Variants in RYR2 observed in about 807,000 individuals in gnomAD.
RYR2 encodes the protein ryanodine receptor 2.
RYR2 carries 227 observed loss-of-function variants against 601.1 expected under a neutral mutation model. That is an observed-to-expected ratio of 0.38 (90% CI 0.34 to 0.42). The LOEUF (loss-of-function observed/expected upper bound fraction) is 0.42, where lower values mean the gene tolerates loss of function less well. Ranked by LOEUF, RYR2 falls within the 10% of genes least tolerant of loss-of-function variation. The probability of loss-of-function intolerance (pLI) is 1.00; values close to 1 mark genes in which losing one functional copy is unlikely to be tolerated. For synonymous variants in RYR2, 2,223 were observed against 2,175.1 expected (o/e 1.02, Z -0.61); for missense variants, 4,646 against 6,156.5 (o/e 0.75, Z 8.21).
intron 3 of RYR2, among the ~76,000 whole-genome samples, chr1:237,343,121 G>A (rs971082864): frequency 6.6e-6 from 1 of 152,218 alleles, no homozygotes; most frequent in Admixed American, 6.5e-5. Context: ...TACTTCAGAG[G>A]CTGAGGTGGT....
At position 237,494,794 on chromosome 1, in the gene RYR2, T is replaced by C. The variant is rs190195117; in HGVS notation, c.1961+1707T>C. Among the ~76,000 whole-genome samples the C allele has an allele frequency of 1.2e-4, 18 of 152,214 alleles. No homozygotes were observed. In the East Asian group the frequency reaches 3.5e-3, roughly 29 times the overall value. On this transcript the variant is annotated intron_variant, in intron 19 of 104. Coordinates refer to ENST00000366574, the MANE Select transcript of RYR2 (RefSeq NM_001035.3). ...TGGGGTTTGTTGTGTATTTCTATGA[T>C]GTGTTTTGTTTTTTGAGACAGAGTC...
At chr1:237,283,585 C>T (rs146176596) in intron 2 of RYR2, among the ~76,000 whole-genome samples, 5 of 152,192 alleles carry the variant, frequency 3.3e-5, no homozygotes, top group African/African-American at 1.2e-4. Context: ...ATTGATGTAT[C>T]CATTTTGGCA....
At chr1:237,535,911 G>A (rs1199005258) in intron 25 of RYR2, among the ~76,000 whole-genome samples, 1 of 151,970 alleles carries the variant, frequency 6.6e-6, no homozygotes, top group African/African-American at 2.4e-5. Flanking sequence ...CTCTTAGAAG[G>A]CAATACTCTG....
intron 44 of RYR2, among the ~76,000 whole-genome samples, chr1:237,636,449 TC>T (rs996257674): frequency 2.6e-5 from 4 of 152,126 alleles, no homozygotes; most frequent in African/African-American, 9.7e-5. Context: ...AGGACATGTT[TC>T]CCCCGTATAG....
chr1:237,068,458 T>C (rs534734353), intron 1 of RYR2, among the ~76,000 whole-genome samples: 2 of 152,314 alleles, frequency 1.3e-5, no homozygotes, highest in Admixed American at 1.3e-4. Flanking sequence ...CTGATAACAT[T>C]GGTAAATTGT....
intron 2 of RYR2, among the ~76,000 whole-genome samples, chr1:237,313,348 C>T (rs2149496886): frequency 6.6e-6 from 1 of 152,060 alleles, no homozygotes; most frequent in African/African-American, 2.4e-5. Flanking sequence ...GGAGATTTTC[C>T]TTGATTATCT....
intron 98 of RYR2, among the ~76,000 whole-genome samples, chr1:237,803,624 A>T (rs1187456810): frequency 6.6e-6 from 1 of 152,032 alleles, no homozygotes; most frequent in Non-Finnish European, 1.5e-5. Flanking sequence ...GCCTCCTTAG[A>T]TTAGCTCCAT....
In RYR2 at chr1:237,792,111, ACTT is replaced by A. The variant is rs749495172; in HGVS notation, c.13576_13578del (p.Ser4526del). On this transcript the variant is annotated inframe_deletion, in exon 94 of 105. Coordinates refer to ENST00000366574, the MANE Select transcript of RYR2 (RefSeq NM_001035.3). ...TTTAAATGCTTTGAATCAGGTCTCC[ACTT>A]CTTCTGTGGTTGAAGGAAAGGAGCT... 75 of 1,592,478 alleles carry A rather than the reference ACTT, an allele frequency of 4.7e-5. No homozygotes were observed. Among genetic ancestry groups the A allele is most frequent in the Non-Finnish European group, 6.2e-5 (72 of 1,168,866 alleles).
chr1:237,592,951 G>A (rs1411129863), intron 32 of RYR2, among the ~76,000 whole-genome samples: 4 of 150,720 alleles, frequency 2.7e-5, no homozygotes, highest in African/African-American at 9.8e-5. Context: ...AACCTGGGAG[G>A]CAGAGGCTTC....
chr1:237,649,767 A>G lies in RYR2; in HGVS notation c.7513-110A>G, dbSNP rs1026308999. 4.7e-6 allele frequency: 4 copies of G among 854,088 alleles called. No homozygotes were observed. The Admixed American group carries it at 9.3e-5, about 20-fold the overall frequency. 52.9% of individuals were successfully genotyped at this position (854,088 alleles called of 1,614,324 possible). A position where few individuals can be genotyped will look rare whatever the true frequency, so the allele number is the denominator to read the frequency against. ...ACTAAAGAATACATTTCCATGTGTC[A>G]TAGTGCTATCATCTTCCGGATAGTG... On this transcript the variant is annotated intron_variant, in intron 49 of 104. Transcript: ENST00000366574.
intron 2 of RYR2, among the ~76,000 whole-genome samples, chr1:237,282,933 GA>G (rs1180980893): frequency 6.6e-6 from 1 of 152,180 alleles, no homozygotes; most frequent in Non-Finnish European, 1.5e-5. Flanking sequence ...AACTTTATTT[GA>G]AAGATGAAGG....
intron 33 of RYR2, among the ~76,000 whole-genome samples, chr1:237,594,917 T>TTTTTTTTTTTTTTTTTTTTG (rs1675707518): frequency 1.2e-5 from 1 of 84,210 alleles, no homozygotes; most frequent in African/African-American, 3.6e-5. Context: ...TTTTTTTTTT[T>TTTTTTTTTTTTTTTTTTTTG]TTTTTTTTTT....
intron 79 of RYR2, 62 bp downstream of exon 79, chr1:237,733,818 T>A: frequency 8.8e-7 from 1 of 1,130,018 alleles, no homozygotes; most frequent in Non-Finnish European, 1.3e-6. Flanking sequence ...AACTTTCATC[T>A]GAAAAGGATA....
chr1:237,371,218 TG>T (rs1344182494), intron 6 of RYR2, among the ~76,000 whole-genome samples: 1 of 152,156 alleles, frequency 6.6e-6, no homozygotes, highest in African/African-American at 2.4e-5. Context: ...TGCAGTGGTA[TG>T]ATCATGGCTA....
chr1:237,683,893 G>A (rs902409274), intron 62 of RYR2, among the ~76,000 whole-genome samples: 2 of 150,152 alleles, frequency 1.3e-5, no homozygotes, highest in Non-Finnish European at 3.0e-5. Context: ...AATAGGTGGT[G>A]CTGCCCACTG....
rs1309499714 is a variant in RYR2, at chr1:237,819,220, G to T, written c.14590+28G>T. 2.5e-6 allele frequency: 4 copies of T among 1,593,850 alleles called. No individual in the cohort carries two copies. The highest frequency in any genetic ancestry group is 1.1e-5 in the South Asian group (1 of 90,252). On this transcript the variant is annotated intron_variant, in intron 101 of 104. Coordinates refer to ENST00000366574, the MANE Select transcript of RYR2 (RefSeq NM_001035.3). The surrounding 1 kb of genome is among the most constrained non-coding windows in gnomAD (Gnocchi z 4.0). ...AAGTATCCTCCTCACTGAAGCTGAT[G>T]AACATCTAGAATTTGAGCCACATGT...
Position 237,127,314 on chromosome 1 carries a change from A to C in RYR2, c.48+84745A>C, listed in dbSNP as rs56236908. Among the ~76,000 whole-genome samples the C allele has an allele frequency of 2.7e-4, 38 of 142,594 alleles. 1 individual carries two copies. The highest frequency in any genetic ancestry group is 7.8e-4 in the African/African-American group (30 of 38,670). The allele number at this position is 142,594 out of a possible 152,430, so 93.5% of individuals were successfully genotyped here. A position where few individuals can be genotyped will look rare whatever the true frequency, so the allele number is the denominator to read the frequency against. ...GAGCTGTTGGGTACACCTCCCAGACAGGGTGGTGGCCGGGCAGAGGGGCTC... is the reference window on the plus strand; with the variant it reads ...GAGCTGTTGGGTACACCTCCCAGACCGGGTGGTGGCCGGGCAGAGGGGCTC... On this transcript the variant is annotated intron_variant, in intron 1 of 104. Coordinates refer to ENST00000366574, the MANE Select transcript of RYR2 (RefSeq NM_001035.3).
At chr1:237,303,886 C>G (rs759153834) in intron 2 of RYR2, among the ~76,000 whole-genome samples, 4 of 152,142 alleles carry the variant, frequency 2.6e-5, no homozygotes, top group Non-Finnish European at 5.9e-5. Context: ...ACATTTTATC[C>G]AACTGGATAG....
At chr1:237,366,793 C>A (rs1413032006) in intron 5 of RYR2, among the ~76,000 whole-genome samples, 1 of 152,074 alleles carries the variant, frequency 6.6e-6, no homozygotes, top group Non-Finnish European at 1.5e-5. Flanking sequence ...CCTTGTCCTT[C>A]ACTTTTAAAA....
Sources: allele counts gnomAD v4.1 joint callset (sites outside exome capture counted in the v4.1 genomes callset), GRCh38; gene constraint gnomAD v4.1.1; non-coding constraint Gnocchi (gnomAD v3.1); transcripts MANE v1.5; gene names NCBI Gene and HGNC (gene_info 2026-07-23, HGNC 2026-07-21).